TRPV5: variants seen among roughly 807,000 people sequenced by gnomAD.
The protein encoded by TRPV5 is transient receptor potential cation channel subfamily V member 5.
In TRPV5, 66 loss-of-function variants were observed where a neutral mutation model predicts 74.1. The ratio of observed to expected loss-of-function variants is 0.89; its 90% confidence interval spans 0.73 to 1.09. TRPV5 has a LOEUF of 1.09. Among genes scored for constraint, TRPV5 ranks in the 50% least tolerant of loss-of-function variants. TRPV5 has a pLI of 0.00. For synonymous variants in TRPV5, 399 were observed against 360.7 expected (o/e 1.11, Z -1.20); for missense variants, 936 against 930.4 (o/e 1.01, Z -0.08).
At position 142,924,380 on chromosome 7, in the gene TRPV5, A is replaced by ACATG. The variant is rs2116597245; in HGVS notation, c.1122+1148_1122+1149insCATG. Among the ~76,000 whole-genome samples the ACATG allele has an allele frequency of 3.5e-5, 4 of 113,376 alleles. No homozygotes were observed. In the East Asian group the frequency reaches 8.8e-4, roughly 25 times the overall value. 74.4% of individuals were successfully genotyped at this position (113,376 alleles called of 152,430 possible). A position where few individuals can be genotyped will look rare whatever the true frequency, so the allele number is the denominator to read the frequency against. On this transcript the variant is annotated intron_variant, in intron 8 of 14. Transcript: ENST00000265310. ...CATATACATGTATATATATACATAT[A>ACATG]TATATATATATACATATACATGTAT...
intron 8 of TRPV5, 35 bp downstream of exon 8, chr7:142,925,493 TG>T (rs766226037): frequency 6.2e-7 from 1 of 1,608,412 alleles, no homozygotes; most frequent in Non-Finnish European, 8.5e-7. Context: ...CACCCCTTGA[TG>T]CAATTCTCTC....
intron 8 of TRPV5, 73 bp downstream of exon 8, chr7:142,925,456 G>A (rs774718742): frequency 3.4e-5 from 52 of 1,530,112 alleles, no homozygotes; most frequent in Non-Finnish European, 4.3e-5. Flanking sequence ...TCGTCCCTGA[G>A]TAGCATGGCT....
intron 7 of TRPV5, among the ~76,000 whole-genome samples, chr7:142,927,580 G>A (rs774123835): frequency 5.8e-4 from 88 of 152,214 alleles, no homozygotes; most frequent in Non-Finnish European, 1.1e-3. Context: ...CTACATGGCC[G>A]GAGCAGGAGG....
chr7:142,924,239 T>C (rs187785563), intron 8 of TRPV5, among the ~76,000 whole-genome samples: 17 of 139,770 alleles, frequency 1.2e-4, no homozygotes, highest in African/African-American at 4.6e-4. Context: ...CATATATATA[T>C]ATATACATAT....
Position 142,928,578 on chromosome 7 carries a change from G to A in TRPV5, c.762+113C>T, listed in dbSNP as rs142136187. On this transcript the variant is annotated intron_variant, in intron 6 of 14. Coordinates refer to ENST00000265310, the MANE Select transcript of TRPV5 (RefSeq NM_019841.7). ...GACCACCATCCCTTTGGGGAGTTTG[G>A]GGAAAAGGGATTTTAGAGAAAGGTG... The A allele has an allele frequency of 2.0e-4, 279 of 1,415,712 alleles. 3 individuals are homozygous for A. The East Asian group carries it at 6.9e-3, about 35-fold the overall frequency. 87.7% of individuals were successfully genotyped at this position (1,415,712 alleles called of 1,614,324 possible).
intron 13 of TRPV5, among the ~76,000 whole-genome samples, chr7:142,910,995 G>A (rs927981233): frequency 1.3e-5 from 2 of 152,090 alleles, no homozygotes; most frequent in Admixed American, 6.5e-5. Flanking sequence ...CCTATGACCC[G>A]AATGTGTTCC....
chr7:142,911,649 C>T (rs1342964739), intron 13 of TRPV5, among the ~76,000 whole-genome samples: 3 of 152,146 alleles, frequency 2.0e-5, no homozygotes, highest in African/African-American at 4.8e-5. Flanking sequence ...CCAACTAAAC[C>T]GTCAGCTCCA....
At chr7:142,912,886 A>AT in intron 12 of TRPV5, 136 bp from the exon 13 acceptor site, 60 of 1,010,650 alleles carry the variant, frequency 5.9e-5, no homozygotes, top group Non-Finnish European at 7.3e-5. Flanking sequence ...CTATCTAAAT[A>AT]CACTTGCACA....
rs1796015820 is a variant in TRPV5, at chr7:142,928,079, C to T, written c.909+9G>A. 1 of 1,614,156 alleles carries T rather than the reference C, an allele frequency of 6.2e-7. No homozygotes were observed. Among genetic ancestry groups the T allele is most frequent in the East Asian group, 2.2e-5 (1 of 44,878 alleles). On this transcript the variant is annotated intron_variant, in intron 7 of 14. Transcript: ENST00000265310. Reference sequence around the variant, plus strand: ...ACATGACAGGCCTGATCCTCCTTGGCATCCATACCTCTCGTTTATCAGAGG... The same window carrying T: ...ACATGACAGGCCTGATCCTCCTTGGTATCCATACCTCTCGTTTATCAGAGG...
At chr7:142,931,589 G>A (rs1213850190) in intron 1 of TRPV5, among the ~76,000 whole-genome samples, 2 of 152,240 alleles carry the variant, frequency 1.3e-5, no homozygotes, top group African/African-American at 4.8e-5. Flanking sequence ...AGCACATGGT[G>A]TAGGGGGAAG....
chr7:142,932,654 C>G (rs182593110), intron 1 of TRPV5, among the ~76,000 whole-genome samples: 1 of 152,308 alleles, frequency 6.6e-6, no homozygotes, highest in East Asian at 1.9e-4. Context: ...CCCAGCTGCT[C>G]TTCCTGGGAC....
Position 142,925,528 on chromosome 7 carries a change from C to T in TRPV5, c.1122+1G>A, listed in dbSNP as rs1218119751. 6.2e-7 allele frequency: 1 copy of T among 1,614,152 alleles called. No homozygotes were observed. Among genetic ancestry groups the T allele is most frequent in the Non-Finnish European group, 8.5e-7 (1 of 1,180,014 alleles). On this transcript the variant is annotated splice_donor_variant, in intron 8 of 14. Coordinates refer to ENST00000265310, the MANE Select transcript of TRPV5 (RefSeq NM_019841.7). LOFTEE classifies it high-confidence loss of function. ...TCTCATCCCCTTCTGAGGAGAATCA[C>T]CTGTAGTAGTTTTTGCTGGAGGATG...
rs1038696857 is a variant in TRPV5 at position 142,908,307 on chromosome 7, G to A, written c.*207C>T. 5.5e-5 allele frequency: 34 copies of A among 621,298 alleles called. No homozygotes were observed. The highest frequency in any genetic ancestry group is 7.7e-5 in the Non-Finnish European group (28 of 361,444). The allele number at this position is 621,298 out of a possible 1,614,324, so 38.5% of individuals were successfully genotyped here. On this transcript the variant is annotated 3_prime_UTR_variant, in exon 15 of 15. Coordinates refer to ENST00000265310, the MANE Select transcript of TRPV5 (RefSeq NM_019841.7). ...GAGATGGGTGACTTGCAAGAGCCCA[G>A]AAAATACGTGAGACAATCGATGACC... is the stretch of plus-strand genomic sequence containing the variant.
In TRPV5 at chr7:142,908,735, CCTT is replaced by C; in HGVS notation, c.1966_1968del (p.Lys656del). ...TCAGATGGATGCTCCTGGTCATCCT[CCTT>C]GTCTGAGTTCTTGAACACTTCCACA... On this transcript the variant is annotated inframe_deletion, in exon 15 of 15. Coordinates refer to ENST00000265310, the MANE Select transcript of TRPV5 (RefSeq NM_019841.7). 1 of 1,614,174 alleles carries C rather than the reference CCTT, an allele frequency of 6.2e-7. No homozygotes were observed. The highest frequency in any genetic ancestry group is 8.5e-7 in the Non-Finnish European group (1 of 1,180,048).
intron 8 of TRPV5, among the ~76,000 whole-genome samples, chr7:142,922,703 C>T (rs4252447): frequency 1.6e-4 from 24 of 152,166 alleles, no homozygotes; most frequent in African/African-American, 5.8e-4. Context: ...GGCTAAAACC[C>T]GAGCTGCTGG....
At position 142,928,854 on chromosome 7, in the gene TRPV5, A is replaced by G; in HGVS notation, c.599T>C (p.Leu200Ser). Residue 200 changes from leucine (L) to serine (S), a missense_variant, in exon 6 of 15, where the codon TTA becomes TCA. Physicochemically the swap from Leu to Ser is moderately radical, Grantham distance 145. Coordinates refer to ENST00000265310, the MANE Select transcript of TRPV5 (RefSeq NM_019841.7). Reference sequence around the variant, plus strand: ...GTTGGGCTGGAGGATGAGGATGTGTAATACTGTGTTTCCTGGGGAGGACGC... The same window carrying G: ...GTTGGGCTGGAGGATGAGGATGTGTGATACTGTGTTTCCTGGGGAGGACGC... ...RAQDSLGNTV[L>S]HILILQPNKT... The G allele has an allele frequency of 6.2e-7, 1 of 1,614,066 alleles. No individual in the cohort carries two copies. Among genetic ancestry groups the G allele is most frequent in the Non-Finnish European group, 8.5e-7 (1 of 1,179,978 alleles).
Position 142,909,577 on chromosome 7 carries a change from A to G in TRPV5, c.1808T>C (p.Met603Thr). 3 of 1,614,046 alleles carry G rather than the reference A, an allele frequency of 1.9e-6. No individual in the cohort carries two copies. The South Asian group carries it at 3.3e-5, about 18-fold the overall frequency. The change falls in exon 14 of 15, where the codon ATG (methionine) becomes ACG (threonine). Residue 603 changes from methionine to threonine, a missense_variant. Met to Thr is a moderately conservative substitution (Grantham distance 81, BLOSUM62 -1). Coordinates refer to ENST00000265310, the MANE Select transcript of TRPV5 (RefSeq NM_019841.7). ...GCAGCGAGGCAGCTTCCGCTCCAGCATCACTGTGGTGGCCACGACCTGGAA... is the reference window on the plus strand; with the variant it reads ...GCAGCGAGGCAGCTTCCGCTCCAGCGTCACTGTGGTGGCCACGACCTGGAA... ...WRAQVVATTVMLERKLPRCLW... is the reference protein window; with the variant it reads ...WRAQVVATTVTLERKLPRCLW...
chr7:142,909,836 C>T (rs1451484987), intron 13 of TRPV5, among the ~76,000 whole-genome samples: 2 of 152,208 alleles, frequency 1.3e-5, no homozygotes, highest in East Asian at 1.9e-4. Flanking sequence ...GTTGCCCTTA[C>T]ATTACTATTC....
At chr7:142,924,076 C>T (rs1795927093) in intron 8 of TRPV5, among the ~76,000 whole-genome samples, 1 of 151,746 alleles carries the variant, frequency 6.6e-6, no homozygotes, top group South Asian at 2.1e-4. Context: ...CTCATGTCTC[C>T]ATGCCAGGGA....
Sources: allele counts gnomAD v4.1 joint callset (sites outside exome capture counted in the v4.1 genomes callset), GRCh38; gene constraint gnomAD v4.1.1; transcripts MANE v1.5; gene names NCBI Gene and HGNC (gene_info 2026-07-23, HGNC 2026-07-21).